Variants in TMEM268 observed in about 807,000 individuals in gnomAD.
TMEM268 encodes the protein transmembrane protein 268.
A neutral mutation model predicts 39.1 loss-of-function variants in TMEM268; 24 were observed. The ratio of observed to expected loss-of-function variants is 0.61; its 90% confidence interval spans 0.44 to 0.86. The LOEUF is 0.86. Ranked by LOEUF, TMEM268 falls within the 40% of genes least tolerant of loss-of-function variation. The probability of loss-of-function intolerance (pLI) is 0.00; values close to 1 mark genes in which losing one functional copy is unlikely to be tolerated. For missense variants in TMEM268, 409 were observed against 428.6 expected (o/e 0.95, Z 0.40); for synonymous variants, 176 against 173.5 (o/e 1.01, Z -0.12).
chr9:114,617,138 T>G lies in TMEM268; in HGVS notation c.-58T>G, dbSNP rs1845748395. ...TGAAGGCATATGATGCTGAGCTGGC[T>G]GCTCCAGAATGAACCACAGCTCTGA... On this transcript the variant is annotated 5_prime_UTR_variant, in exon 2 of 9. Transcript: ENST00000288502. 3.5e-6 allele frequency: 4 copies of G among 1,153,028 alleles called. No homozygotes were observed. The highest frequency in any genetic ancestry group is 3.1e-5 in the African/African-American group (2 of 63,686). 71.4% of individuals were successfully genotyped at this position (1,153,028 alleles called of 1,614,324 possible). A position where few individuals can be genotyped will look rare whatever the true frequency, so the allele number is the denominator to read the frequency against.
intron 1 of TMEM268, among the ~76,000 whole-genome samples, chr9:114,612,453 CCTT>C (rs145481609): frequency 0.025 from 3,858 of 152,294 alleles, 86 homozygotes; most frequent in East Asian, 0.081. Context: ...GTCTGTCTGA[CCTT>C]CTGTGTTATC....
At chr9:114,622,675 C>T (rs887041028) in intron 2 of TMEM268, among the ~76,000 whole-genome samples, 1 of 152,138 alleles carries the variant, frequency 6.6e-6, no homozygotes, top group African/African-American at 2.4e-5. Flanking sequence ...GGAATAAACA[C>T]GTATTTTATG....
In TMEM268 at chr9:114,638,640, C is replaced by T. The variant is rs746468877; in HGVS notation, c.763C>T (p.Pro255Ser). 3.1e-6 allele frequency: 5 copies of T among 1,610,284 alleles called. No homozygotes were observed. Among genetic ancestry groups the T allele is most frequent in the Non-Finnish European group, 4.2e-6 (5 of 1,178,498 alleles). The change falls in exon 8 of 9, where the codon CCT becomes TCT. Residue 255 changes from proline to serine, a missense_variant. Pro to Ser is a moderately conservative substitution (Grantham distance 74). Transcript: ENST00000288502. ...AEGPENLEDA[P>S]LLPGNSCPNE... ...GGGGCCTGAGAACTTGGAGGATGCT[C>T]CTCTCCTGCCCGGCAATTCTTGTCC... is the stretch of plus-strand genomic sequence containing the variant.
chr9:114,634,125 C>T (rs1453240067), intron 6 of TMEM268, among the ~76,000 whole-genome samples: 1 of 152,126 alleles, frequency 6.6e-6, no homozygotes, highest in Non-Finnish European at 1.5e-5. Context: ...ATAATGTCCA[C>T]ACCTTGCTGC....
At chr9:114,629,309 C>T (rs117645996) in intron 5 of TMEM268, among the ~76,000 whole-genome samples, 4,395 of 152,334 alleles carry the variant, frequency 0.029, 116 homozygotes, top group East Asian at 0.13. Context: ...CTTCTGAAGG[C>T]TCTGGGGGAG....
the TMEM268 span, among the ~76,000 whole-genome samples, chr9:114,605,330 T>G: frequency 6.6e-6 from 1 of 152,020 alleles, no homozygotes; most frequent in African/African-American, 2.4e-5. Context: ...CAGCTCTAGT[T>G]TTGCTTTTTT....
intron 3 of TMEM268, 21 bp from the exon 4 acceptor site, chr9:114,626,878 C>T: frequency 2.5e-6 from 4 of 1,581,014 alleles, no homozygotes; most frequent in Non-Finnish European, 3.5e-6. Flanking sequence ...TGATTGATCT[C>T]TTTCCCTGGG....
rs1320000307 is a variant in TMEM268 at position 114,628,092 on chromosome 9, A to G, written c.325-9A>G. 2 of 1,612,482 alleles carry G rather than the reference A, an allele frequency of 1.2e-6. No homozygotes were observed. Among genetic ancestry groups the G allele is most frequent in the East Asian group, 2.2e-5 (1 of 44,846 alleles). On this transcript the variant is annotated splice_polypyrimidine_tract_variant and intron_variant, in intron 4 of 8. Coordinates refer to ENST00000288502, the MANE Select transcript of TMEM268 (RefSeq NM_153045.4). Reference sequence around the variant, plus strand: ...TTCCTGACCATGCTCTCTGTCTGGCATCTTGCAGGTTTTCTATGTGGTGGT... The same window carrying G: ...TTCCTGACCATGCTCTCTGTCTGGCGTCTTGCAGGTTTTCTATGTGGTGGT...
chr9:114,635,852 G>A (rs1267129898), intron 6 of TMEM268, among the ~76,000 whole-genome samples: 2 of 152,240 alleles, frequency 1.3e-5, no homozygotes, highest in Non-Finnish European at 2.9e-5. Flanking sequence ...TGAACCAAGA[G>A]TGGCCATGAG....
intron 6 of TMEM268, among the ~76,000 whole-genome samples, chr9:114,634,797 C>T (rs1475436684): frequency 6.6e-6 from 1 of 150,636 alleles, no homozygotes; most frequent in Non-Finnish European, 1.5e-5. Flanking sequence ...CAGCAGAGAA[C>T]ACATGCAGGT....
intron 5 of TMEM268, among the ~76,000 whole-genome samples, chr9:114,631,900 A>G (rs753217218): frequency 3.3e-5 from 5 of 151,978 alleles, no homozygotes; most frequent in Non-Finnish European, 7.4e-5. Context: ...TAGGAGTTTG[A>G]GACCAGCCTG....
At chr9:114,631,387 G>T (rs1319971592) in intron 5 of TMEM268, among the ~76,000 whole-genome samples, 1 of 151,430 alleles carries the variant, frequency 6.6e-6, no homozygotes, top group African/African-American at 2.4e-5. Context: ...ACAAATATTT[G>T]CGGCTAATAT....
upstream of TMEM268, among the ~76,000 whole-genome samples, chr9:114,609,773 AAAAG>A (rs1438418522): frequency 9.9e-5 from 15 of 151,610 alleles, no homozygotes; most frequent in Non-Finnish European, 1.9e-4. Context: ...GAAGGAAAGA[AAAAG>A]AAACAAAGAG....
intron 3 of TMEM268, among the ~76,000 whole-genome samples, chr9:114,626,589 A>T (rs1258981624): frequency 1.3e-5 from 2 of 152,240 alleles, no homozygotes; most frequent in African/African-American, 4.8e-5. Flanking sequence ...ACAGCACATG[A>T]GTGGCAGGGC....
At chr9:114,642,750 G>C (rs1418200056) in intron 8 of TMEM268, among the ~76,000 whole-genome samples, 1 of 151,972 alleles carries the variant, frequency 6.6e-6, no homozygotes, top group Non-Finnish European at 1.5e-5. Flanking sequence ...CAAAGTGCTG[G>C]GATTACAGGT....
rs745975137 is a variant in TMEM268, at chr9:114,634,160, G to A, written c.585+282G>A. ...CTCACCTGGCATTTATTCAGCAGACGGAGCCTCCTCTGTGCTGTGCCCTCG... is the reference window on the plus strand; with the variant it reads ...CTCACCTGGCATTTATTCAGCAGACAGAGCCTCCTCTGTGCTGTGCCCTCG... On this transcript the variant is annotated intron_variant, in intron 6 of 8. Coordinates refer to ENST00000288502, the MANE Select transcript of TMEM268 (RefSeq NM_153045.4). Among the ~76,000 whole-genome samples, 19 of 152,268 alleles carry A rather than the reference G, an allele frequency of 1.2e-4. No individual in the cohort carries two copies. In the East Asian group the frequency reaches 1.4e-3, roughly 11 times the overall value.
At chr9:114,640,881 CT>C (rs113630605) in intron 8 of TMEM268, among the ~76,000 whole-genome samples, 24 of 146,816 alleles carry the variant, frequency 1.6e-4, no homozygotes, top group East Asian at 4.0e-4. Flanking sequence ...CTCTCTCTCT[CT>C]TTTTTTTTTT....
At position 114,641,596 on chromosome 9, in the gene TMEM268, G is replaced by A. The variant is rs575545055; in HGVS notation, c.850-1538G>A. On this transcript the variant is annotated intron_variant, in intron 8 of 8. Transcript: ENST00000288502. ...ACACTGTAGGGAGGCCAAGGCAGGA[G>A]CCCAGGAGTTCAAGACCAGCCTGAG... Among the ~76,000 whole-genome samples, 7 of 152,174 alleles carry A rather than the reference G, an allele frequency of 4.6e-5. No homozygotes were observed. In the East Asian group the frequency reaches 1.4e-3, roughly 30 times the overall value.
upstream of TMEM268, among the ~76,000 whole-genome samples, chr9:114,606,932 T>A (rs1315526383): frequency 3.3e-5 from 5 of 152,098 alleles, no homozygotes. Flanking sequence ...CACTTACTCA[T>A]CCAGCAGTTC....
Sources: gnomAD v4.1 joint callset for allele counts (sites outside exome capture counted in the v4.1 genomes callset) on GRCh38, gnomAD v4.1.1 for gene constraint, MANE v1.5 for transcripts, NCBI Gene and HGNC (gene_info 2026-07-23, HGNC 2026-07-21) for gene names.